The following IYD variants were observed in gnomAD, a reference collection of about 807,000 sequenced individuals.
IYD encodes the protein iodotyrosine deiodinase 1.
Under a neutral mutation model 28.4 loss-of-function variants are expected in IYD, and 25 were observed. The observed-to-expected ratio is 0.88, with a 90% CI of 0.64 to 1.23. The LOEUF (loss-of-function observed/expected upper bound fraction) is 1.23. IYD is among the 50% of genes most tolerant of loss of function. IYD has a pLI of 0.00. For synonymous variants in IYD, 140 were observed against 130.8 expected, an observed-to-expected ratio of 1.07 and a Z score of -0.48; for missense variants, 352 against 357.9, an observed-to-expected ratio of 0.98 and a Z score of 0.13.
chr6:150,403,385 A>G lies in IYD; in HGVS notation c.*5148A>G, dbSNP rs969196250. On this transcript the variant is annotated 3_prime_UTR_variant, in exon 5 of 5. Transcript: ENST00000344419. ...GAAATGTGGCTTCAGCTCTGCTGCT[A>G]CTGTGCCTCCCTTCTCCTGCCCCAC... is the stretch of plus-strand genomic sequence containing the variant. The G allele has an allele frequency of 2.6e-5, 4 of 152,234 alleles. No individual in the cohort carries two copies. The highest frequency in any genetic ancestry group is 4.8e-5 in the African/African-American group (2 of 41,448). 9.4% of individuals were successfully genotyped at this position (152,234 alleles called of 1,614,324 possible).
chr6:150,377,753 G>A (rs898954750), intron 1 of IYD, among the ~76,000 whole-genome samples: 1 of 152,202 alleles, frequency 6.6e-6, no homozygotes, highest in African/African-American at 2.4e-5. Flanking sequence ...AGCATTTAAT[G>A]CATTTGCTTA....
At chr6:150,374,377 G>T (rs11756665) in intron 1 of IYD, among the ~76,000 whole-genome samples, 2 of 152,142 alleles carry the variant, frequency 1.3e-5, no homozygotes, top group South Asian at 2.1e-4. Flanking sequence ...CAATAAACTG[G>T]GGAAACTTAG....
At position 150,370,218 on chromosome 6, in the gene IYD, C is replaced by CGCTT. The variant is rs1554229269; in HGVS notation, c.178+1011_178+1012insTTGC. 6.8e-3 allele frequency among the ~76,000 whole-genome samples: 973 copies of CGCTT among 142,268 alleles called. 16 individuals carry two copies. Among genetic ancestry groups the CGCTT allele is most frequent in the African/African-American group, 0.027 (917 of 34,184 alleles). 93.3% of individuals were successfully genotyped at this position (142,268 alleles called of 152,430 possible). A position where few individuals can be genotyped will look rare whatever the true frequency, so the allele number is the denominator to read the frequency against. On this transcript the variant is annotated intron_variant, in intron 1 of 4. Transcript: ENST00000344419. ...GTTTATGAATGTGCATGTGTGTGTG[C>CGCTT]GCGTGCGTGTGTGTGTGTGCATGAG...
chr6:150,385,082 G>A (rs750238138), intron 1 of IYD: 1 of 152,212 alleles, frequency 6.6e-6, no homozygotes, highest in Non-Finnish European at 1.5e-5. Flanking sequence ...GGGGAAAACA[G>A]AAGAAGTGGC....
intron 1 of IYD, among the ~76,000 whole-genome samples, chr6:150,382,731 A>T (rs975605042): frequency 1.2e-4 from 19 of 152,192 alleles, no homozygotes; most frequent in Admixed American, 1.2e-3. Flanking sequence ...CTGTGCCTAC[A>T]CTGATGTTAA....
At chr6:150,391,241 A>G (rs923949379) in intron 2 of IYD, among the ~76,000 whole-genome samples, 3 of 98,238 alleles carry the variant, frequency 3.1e-5, no homozygotes, top group African/African-American at 1.2e-4. Flanking sequence ...ATCAAAAAAA[A>G]AAAAAAAAAA....
intron 1 of IYD, chr6:150,384,922 T>C (rs1777806031): frequency 6.6e-6 from 1 of 152,172 alleles, no homozygotes; most frequent in Non-Finnish European, 1.5e-5. Flanking sequence ...ATCCTTCTTA[T>C]CTTCTGCCAT....
Position 150,389,348 on chromosome 6 carries a change from G to A in IYD, c.179-4G>A. On this transcript the variant is annotated splice_region_variant and splice_polypyrimidine_tract_variant and intron_variant, in intron 1 of 4. Coordinates refer to ENST00000344419, the MANE Select transcript of IYD (RefSeq NM_203395.3). ...TTTGTTACCTTTCTTATTCTTATTTGCAGATGCTGATGAATGGCAAGAATC... is the reference window on the plus strand; with the variant it reads ...TTTGTTACCTTTCTTATTCTTATTTACAGATGCTGATGAATGGCAAGAATC... The A allele has an allele frequency of 6.2e-7, 1 of 1,610,424 alleles. No individual in the cohort carries two copies. Among genetic ancestry groups the A allele is most frequent in the Non-Finnish European group, 8.5e-7 (1 of 1,176,844 alleles).
chr6:150,387,429 TA>T (rs35642662), intron 1 of IYD, among the ~76,000 whole-genome samples: 55,954 of 133,712 alleles, frequency 0.42, 11,871 homozygotes, highest in Non-Finnish European at 0.53. Context: ...AAAGTTCTTG[TA>T]AAAAAAAAAA....
At chr6:150,379,206 C>G (rs908666846) in intron 1 of IYD, among the ~76,000 whole-genome samples, 2 of 152,148 alleles carry the variant, frequency 1.3e-5, no homozygotes, top group African/African-American at 4.8e-5. Context: ...TCCTCCCTCT[C>G]TCTCTCAGCC....
At chr6:150,393,258 G>A (rs1778192715) in intron 3 of IYD, among the ~76,000 whole-genome samples, 2 of 152,176 alleles carry the variant, frequency 1.3e-5, no homozygotes, top group African/African-American at 2.4e-5. Flanking sequence ...TTGCCCAGTG[G>A]CCAAGACAGC....
chr6:150,370,434 T>G, intron 1 of IYD: 12 of 879,374 alleles, frequency 1.4e-5, no homozygotes, highest in Non-Finnish European at 1.6e-5. Context: ...AGTGTGTTTG[T>G]GAGAGAGTGT....
Position 150,386,554 on chromosome 6 carries a change from TTGTTAAAATCTTC to T in IYD, c.179-2794_179-2782del, listed in dbSNP as rs1482757717. ...TATTTGGTTATCTTTGTCAATTACC[TTGTTAAAATCTTC>T]TGTATCCTTACTGATTTTTTTCTTC... On this transcript the variant is annotated intron_variant, in intron 1 of 4. Transcript: ENST00000344419. 1.8e-4 allele frequency among the ~76,000 whole-genome samples: 27 copies of T among 152,296 alleles called. No individual in the cohort carries two copies. The South Asian group carries it at 2.5e-3, about 14-fold the overall frequency.
rs1778446467 is a variant in IYD at position 150,399,625 on chromosome 6, C to G, written c.*1388C>G. On this transcript the variant is annotated 3_prime_UTR_variant, in exon 5 of 5. Coordinates refer to ENST00000344419, the MANE Select transcript of IYD (RefSeq NM_203395.3). Reference sequence around the variant, plus strand: ...CTCATTTTCCTTGAGAAAACTCTCTCTATAAAAAATTTCCATAGAGTATGT... The same window carrying G: ...CTCATTTTCCTTGAGAAAACTCTCTGTATAAAAAATTTCCATAGAGTATGT... The G allele has an allele frequency of 6.6e-6, 1 of 152,156 alleles. No individual in the cohort carries two copies. Among genetic ancestry groups the G allele is most frequent in the Non-Finnish European group, 1.5e-5 (1 of 68,066 alleles). 9.4% of individuals were successfully genotyped at this position (152,156 alleles called of 1,614,324 possible).
chr6:150,391,394 TC>T (rs1778113447), intron 2 of IYD, among the ~76,000 whole-genome samples: 1 of 152,218 alleles, frequency 6.6e-6, no homozygotes, highest in Admixed American at 6.5e-5. Context: ...ACATTTTGCC[TC>T]CTTCAATAAC....
At chr6:150,381,714 A>C (rs1339001833) in intron 1 of IYD, among the ~76,000 whole-genome samples, 2 of 152,198 alleles carry the variant, frequency 1.3e-5, no homozygotes, top group Non-Finnish European at 2.9e-5. Context: ...TACACAACTA[A>C]ACATTCCTAA....
chr6:150,385,068 T>G (rs767353782), intron 1 of IYD: 1 of 151,994 alleles, frequency 6.6e-6, no homozygotes, highest in Non-Finnish European at 1.5e-5. Context: ...AACAGGAGGG[T>G]AATGGGGAAA....
At chr6:150,388,715 T>TG (rs897069295) in intron 1 of IYD, among the ~76,000 whole-genome samples, 1 of 146,876 alleles carries the variant, frequency 6.8e-6, no homozygotes, top group African/African-American at 2.5e-5. Flanking sequence ...CTTTTTTTTT[T>TG]TTTTTTGATG....
chr6:150,369,100 C>T lies in IYD; in HGVS notation c.69C>T (p.Ala23=), dbSNP rs138283020. 38 of 1,613,606 alleles carry T rather than the reference C, an allele frequency of 2.4e-5. No individual in the cohort carries two copies. Among genetic ancestry groups the T allele is most frequent in the South Asian group, 1.1e-4 (10 of 91,052 alleles). The change falls in exon 1 of 5, where the codon GCC becomes GCT. Residue 23 remains alanine, a synonymous_variant. Coordinates refer to ENST00000344419, the MANE Select transcript of IYD (RefSeq NM_203395.3). ...TGGTTGTGTGGATCTTTAAAAATGC[C>T]GACAGAAGCATGGAGAAAAAGAAGG... The part of the protein sequence containing the change: ...CILVVWIFKN[A]DRSMEKKKGE...
Sources: allele counts gnomAD v4.1 joint callset (sites outside exome capture counted in the v4.1 genomes callset), GRCh38; gene constraint gnomAD v4.1.1; transcripts MANE v1.5; gene names NCBI Gene and HGNC (gene_info 2026-07-23, HGNC 2026-07-21).